Variants in PLXNA4 observed in about 807,000 individuals in gnomAD.
The protein encoded by PLXNA4 is plexin-A4.
In PLXNA4, 44 loss-of-function variants were observed where a neutral mutation model predicts 191.8. The ratio of observed to expected loss-of-function variants is 0.23; its 90% CI spans 0.18 to 0.29. PLXNA4 has a LOEUF of 0.29. Ranked by LOEUF, PLXNA4 falls within the 10% of genes least tolerant of loss-of-function variation. The pLI is 1.00. For missense variants in PLXNA4, 1,800 were observed against 2,488.8 expected, an observed-to-expected ratio of 0.72 and a Z score of 5.89; for synonymous variants, 1,082 against 1,009.5, an observed-to-expected ratio of 1.07 and a Z score of -1.36.
intron 4 of PLXNA4, among the ~76,000 whole-genome samples, chr7:132,271,920 CTT>C (rs966351824): frequency 2.8e-4 from 42 of 152,168 alleles, no homozygotes; most frequent in African/African-American, 9.6e-4. Flanking sequence ...AAAAATAAAA[CTT>C]GAGTTTGAAG....
intron 3 of PLXNA4, among the ~76,000 whole-genome samples, chr7:132,394,655 G>A (rs1298081702): frequency 1.3e-5 from 2 of 152,204 alleles, no homozygotes; most frequent in Admixed American, 1.3e-4. Context: ...AAGTCACATC[G>A]CACGCAACAT....
chr7:132,358,386 G>C (rs141979353), intron 3 of PLXNA4, among the ~76,000 whole-genome samples: 45 of 152,300 alleles, frequency 3.0e-4, no homozygotes, highest in South Asian at 8.3e-4. Flanking sequence ...TTTTGGGGGA[G>C]AGCAAAGTTT....
At chr7:132,586,012 G>A (rs1054479918) in intron 2 of PLXNA4, among the ~76,000 whole-genome samples, 3 of 152,180 alleles carry the variant, frequency 2.0e-5, no homozygotes, top group Non-Finnish European at 2.9e-5. Flanking sequence ...TCAAGGAAAC[G>A]TAAGAGAGAA....
intron 3 of PLXNA4, among the ~76,000 whole-genome samples, chr7:132,456,121 T>C (rs896880033): frequency 6.6e-6 from 1 of 150,500 alleles, no homozygotes; most frequent in Non-Finnish European, 1.5e-5. Flanking sequence ...CTTTTTTTTT[T>C]TTTTTTTTGG....
At chr7:132,343,028 C>T (rs1479125412) in intron 3 of PLXNA4, among the ~76,000 whole-genome samples, 2 of 151,252 alleles carry the variant, frequency 1.3e-5, no homozygotes, top group Non-Finnish European at 2.9e-5. Context: ...TGGCAGAAGT[C>T]CCTTTCCAAG....
chr7:132,508,932 G>C lies in PLXNA4; in HGVS notation c.-86-153C>G, dbSNP rs975423106. 1.3e-5 allele frequency among the ~76,000 whole-genome samples: 2 copies of C among 152,144 alleles called. No homozygotes were observed. The highest frequency in any genetic ancestry group is 1.9e-4 in the East Asian group (1 of 5,196). ...GGCTGACTGAGTCAACCCCCACCAC[G>C]GGCATGTGACACAGTCAGAGCCGGG... is the stretch of plus-strand genomic sequence containing the variant. On this transcript the variant is annotated intron_variant, in intron 1 of 31. Transcript: ENST00000321063. This position sits in a 1 kb window ranked among gnomAD's most constrained non-coding sequence, Gnocchi z 4.4.
chr7:132,185,129 G>T (rs575431969), intron 16 of PLXNA4, among the ~76,000 whole-genome samples, 170 bp downstream of exon 16: 1 of 152,160 alleles, frequency 6.6e-6, no homozygotes, highest in Admixed American at 6.5e-5. Flanking sequence ...GCTCTCAGTG[G>T]AAGGAGGGAG....
At chr7:132,445,186 T>A (rs932847122) in intron 3 of PLXNA4, among the ~76,000 whole-genome samples, 22 of 104,524 alleles carry the variant, frequency 2.1e-4, no homozygotes, top group Non-Finnish European at 3.8e-4. Context: ...AAAAAAAAAA[T>A]TTGTTCTCAT....
Position 132,145,180 on chromosome 7 carries a change from C to T in PLXNA4, c.5164G>A (p.Glu1722Lys). ...TGAATGCCATGTTTATCAGCCTGCT[C>T]ATCCAGGAAGTCAAACATGTACTTG... ...AIKYMFDFLD[E>K]QADKHGIHDP... Residue 1722 changes from glutamate (E) to lysine (K), a missense_variant, in exon 29 of 32, where the codon GAG becomes AAG. Glu to Lys is a moderately conservative substitution (Grantham distance 56). Coordinates refer to ENST00000321063, the MANE Select transcript of PLXNA4 (RefSeq NM_020911.2). 1 of 1,614,190 alleles carries T rather than the reference C, an allele frequency of 6.2e-7. No homozygotes were observed. Among genetic ancestry groups the T allele is most frequent in the Non-Finnish European group, 8.5e-7 (1 of 1,180,040 alleles).
chr7:132,428,046 G>A (rs376077109), intron 3 of PLXNA4, among the ~76,000 whole-genome samples: 19 of 152,248 alleles, frequency 1.2e-4, no homozygotes, highest in South Asian at 8.3e-4. Context: ...GGAGGACATC[G>A]GCACAGACAG....
intron 21 of PLXNA4, among the ~76,000 whole-genome samples, chr7:132,172,971 C>T (rs1796338656): frequency 6.6e-6 from 1 of 152,150 alleles, no homozygotes; most frequent in South Asian, 2.1e-4. Flanking sequence ...CTTAATTCAG[C>T]CAAACACACA....
intron 3 of PLXNA4, among the ~76,000 whole-genome samples, chr7:132,403,657 A>G (rs1278676479): frequency 6.6e-6 from 1 of 151,782 alleles, no homozygotes; most frequent in East Asian, 1.9e-4. Context: ...CTCTCTCTCC[A>G]ACCTCCTCCC....
At chr7:132,502,334 A>C (rs1488318668) in intron 2 of PLXNA4, among the ~76,000 whole-genome samples, 1 of 152,200 alleles carries the variant, frequency 6.6e-6, no homozygotes, top group Non-Finnish European at 1.5e-5. Flanking sequence ...TCATGCACAC[A>C]GCAGGGCAGG....
At chr7:132,588,382 T>C (rs1261912752) in intron 2 of PLXNA4, among the ~76,000 whole-genome samples, 1 of 152,182 alleles carries the variant, frequency 6.6e-6, no homozygotes, top group East Asian at 1.9e-4. Context: ...TGCTGACTTC[T>C]TCTGCAGGAG....
At chr7:132,378,333 A>C (rs1169385345) in intron 3 of PLXNA4, among the ~76,000 whole-genome samples, 1 of 152,172 alleles carries the variant, frequency 6.6e-6, no homozygotes, top group Non-Finnish European at 1.5e-5. Context: ...TTTAACTCAG[A>C]GCTCCAGCTT....
At chr7:132,609,656 G>A (rs1803009210) in intron 2 of PLXNA4, among the ~76,000 whole-genome samples, 1 of 152,230 alleles carries the variant, frequency 6.6e-6, no homozygotes, top group Non-Finnish European at 1.5e-5. Flanking sequence ...CTTTATAGGT[G>A]AATAAACAGC....
intron 3 of PLXNA4, among the ~76,000 whole-genome samples, chr7:132,323,379 A>C (rs954859427): frequency 3.3e-5 from 5 of 152,236 alleles, no homozygotes; most frequent in Non-Finnish European, 5.9e-5. Flanking sequence ...GTGTACTTGC[A>C]TCATCTCATC....
At chr7:132,360,385 C>T (rs576434847) in intron 3 of PLXNA4, among the ~76,000 whole-genome samples, 4 of 152,242 alleles carry the variant, frequency 2.6e-5, no homozygotes, top group South Asian at 2.1e-4. Context: ...TATTCATCCC[C>T]GCCAGGTCCC....
intron 3 of PLXNA4, among the ~76,000 whole-genome samples, chr7:132,299,110 C>G (rs1801212950): frequency 6.6e-6 from 1 of 152,216 alleles, no homozygotes; most frequent in Non-Finnish European, 1.5e-5. Context: ...TCCAACATGA[C>G]CGCTGCGCAG....
Sources: gnomAD v4.1 joint callset for allele counts (sites outside exome capture counted in the v4.1 genomes callset) on GRCh38, gnomAD v4.1.1 for gene constraint, Gnocchi (gnomAD v3.1) non-coding constraint, MANE v1.5 for transcripts, NCBI Gene and HGNC (gene_info 2026-07-23, HGNC 2026-07-21) for gene names.